The following EPN1 variants were observed in gnomAD, a reference collection of about 807,000 sequenced individuals.
EPN1 encodes the protein epsin 1.
A neutral mutation model predicts 56.9 loss-of-function variants in EPN1; 25 were observed. That is an observed-to-expected ratio of 0.44 (90% CI 0.32 to 0.61). EPN1 has a LOEUF of 0.61. EPN1 is among the 20% of genes least tolerant of loss of function. The probability of loss-of-function intolerance (pLI) is 0.05; values close to 1 mark genes in which losing one functional copy is unlikely to be tolerated. For synonymous variants in EPN1, 411 were observed against 361.8 expected (o/e 1.14, Z -1.54); for missense variants, 785 against 823.7 (o/e 0.95, Z 0.58).
At position 55,704,887 on chromosome 19, in the gene EPN1, G is replaced by C. The variant is rs116379694; in HGVS notation, c.*9531G>C. On this transcript the variant is annotated 3_prime_UTR_variant, in exon 11 of 11. Transcript: ENST00000270460. The stretch of plus-strand genomic sequence containing the variant: ...GTTCCCTGGGAAATAAGCATCGCAA[G>C]TGATCCGTAGAATGGTAGACATCAT... 2 of 152,352 alleles carry C rather than the reference G, an allele frequency of 1.3e-5. No homozygotes were observed. Among genetic ancestry groups the C allele is most frequent in the Non-Finnish European group, 2.9e-5 (2 of 68,132 alleles). The allele number at this position is 152,352 out of a possible 1,614,324, so 9.4% of individuals were successfully genotyped here.
intron 7 of EPN1, 39 bp downstream of exon 7, chr19:55,692,096 G>T: frequency 1.4e-6 from 2 of 1,392,886 alleles, no homozygotes; most frequent in Non-Finnish European, 1.9e-6. Flanking sequence ...CCCTACGCCT[G>T]TGTGCACCTG....
Position 55,695,531 on chromosome 19 carries a change from CTG to C in EPN1, c.*176_*177del, listed in dbSNP as rs1261461001. On this transcript the variant is annotated 3_prime_UTR_variant, in exon 11 of 11. Transcript: ENST00000270460. The surrounding 1 kb of genome is among the most constrained non-coding windows in gnomAD (Gnocchi z 4.4). ...CCCACCCCACCTCCCCGGAGAGAAA[CTG>C]GACATGGGGCCTGGGGAGGGGAGCT... 8 of 590,102 alleles carry C rather than the reference CTG, an allele frequency of 1.4e-5. No homozygotes were observed. Among genetic ancestry groups the C allele is most frequent in the South Asian group, 6.2e-5 (3 of 48,486 alleles). 36.6% of individuals were successfully genotyped at this position (590,102 alleles called of 1,614,324 possible). A position where few individuals can be genotyped will look rare whatever the true frequency, so the allele number is the denominator to read the frequency against.
At position 55,695,330 on chromosome 19, in the gene EPN1, C is replaced by G. The variant is rs1157999658; in HGVS notation, c.1705C>G (p.Pro569Ala). 1 of 1,522,742 alleles carries G rather than the reference C, an allele frequency of 6.6e-7. No homozygotes were observed. The highest frequency in any genetic ancestry group is 1.4e-5 in the African/African-American group (1 of 72,712). 94.3% of individuals were successfully genotyped at this position (1,522,742 alleles called of 1,614,324 possible). The change falls in exon 11 of 11, where the codon CCC becomes GCC. Residue 569 changes from proline (P) to alanine (A), a missense_variant. Pro to Ala is a conservative substitution (Grantham distance 27). Coordinates refer to ENST00000270460, the MANE Select transcript of EPN1 (RefSeq NM_001130072.2). The surrounding 1 kb of genome is among the most constrained non-coding windows in gnomAD (Gnocchi z 4.4). ...CATGATGCCCCCGGGCCCCCCGGCC[C>G]CCAACACTAATCCCTTCCTCCTATA... ...PPMMPPGPPA[P>A]NTNPFLL is the part of the protein sequence containing the mutation.
rs1176539854 is a variant in EPN1 at position 55,676,968 on chromosome 19, C to T, written c.-102+1533C>T. 34 of 623,462 alleles carry T rather than the reference C, an allele frequency of 5.5e-5. No homozygotes were observed. In the Admixed American group the frequency reaches 9.4e-4, roughly 17 times the overall value. 38.6% of individuals were successfully genotyped at this position (623,462 alleles called of 1,614,324 possible). On this transcript the variant is annotated intron_variant, in intron 1 of 10. Transcript: ENST00000270460. ...CTTCTCTGCATTTGTTACATCATCT[C>T]TTCATCTTAATGTATTAGGCTGGGG...
Position 55,706,277 on chromosome 19 carries a change from C to CTTTTTTTTTTTTTTTTTTTTTTTTTTTTT in EPN1, c.*10923_*10924insTTTTTTTTTTTTTTTTTTTTTTTTTTTTT, listed in dbSNP as rs1568587726. The CTTTTTTTTTTTTTTTTTTTTTTTTTTTTT allele has an allele frequency of 8.1e-5, 8 of 98,530 alleles. No homozygotes were observed. The highest frequency in any genetic ancestry group is 1.3e-4 in the Non-Finnish European group (7 of 53,414). 6.1% of individuals were successfully genotyped at this position (98,530 alleles called of 1,614,324 possible). A position where few individuals can be genotyped will look rare whatever the true frequency, so the allele number is the denominator to read the frequency against. On this transcript the variant is annotated 3_prime_UTR_variant, in exon 11 of 11. Coordinates refer to ENST00000270460, the MANE Select transcript of EPN1 (RefSeq NM_001130072.2). ...TCTTTTCTTCCTTTCTTCTCTTTTTCTTCTTCTTTTTTTTTTTTTTTTAAA... is the reference window on the plus strand; with the variant it reads ...TCTTTTCTTCCTTTCTTCTCTTTTTCTTTTTTTTTTTTTTTTTTTTTTTTTTTTTTTCTTCTTTTTTTTTTTTTTTTAAA...
At chr19:55,679,334 T>C (rs1985650172) in intron 2 of EPN1, among the ~76,000 whole-genome samples, 1 of 152,218 alleles carries the variant, frequency 6.6e-6, no homozygotes, top group African/African-American at 2.4e-5. Context: ...ATCCCCACCT[T>C]TGGTCTTTGG....
At chr19:55,677,607 G>A in intron 1 of EPN1, 1 of 1,551,472 alleles carries the variant, frequency 6.4e-7, no homozygotes, top group Non-Finnish European at 8.7e-7. Flanking sequence ...TGCTGAGCGA[G>A]CACCTGGCAC....
In EPN1 at chr19:55,701,959, C is replaced by CTTTTTTTTTTTTTTTTTTT. The variant is rs1160028473; in HGVS notation, c.*6605_*6623dup. On this transcript the variant is annotated 3_prime_UTR_variant, in exon 11 of 11. Transcript: ENST00000270460. Reference sequence around the variant, plus strand: ...AGTCTCTAGCAGCCCCCACCCCATTCTTTTTTTTTTTTTTTTTTTTGAGAT... The same window carrying CTTTTTTTTTTTTTTTTTTT: ...AGTCTCTAGCAGCCCCCACCCCATTCTTTTTTTTTTTTTTTTTTTTTTTTTTTTTTTTTTTTTTTGAGAT... 9.0e-6 allele frequency: 1 copy of CTTTTTTTTTTTTTTTTTTT among 110,848 alleles called. No individual in the cohort carries two copies. The highest frequency in any genetic ancestry group is 4.0e-5 in the African/African-American group (1 of 24,986). 6.9% of individuals were successfully genotyped at this position (110,848 alleles called of 1,614,324 possible).
intron 1 of EPN1, among the ~76,000 whole-genome samples, chr19:55,678,073 C>T (rs529841969): frequency 6.7e-6 from 1 of 149,808 alleles, no homozygotes; most frequent in South Asian, 2.1e-4. Context: ...GGGTGTGCAC[C>T]TGGGAAGTGT....
intron 2 of EPN1, among the ~76,000 whole-genome samples, chr19:55,682,376 C>T (rs1300241714): frequency 6.6e-6 from 1 of 152,134 alleles, no homozygotes; most frequent in Non-Finnish European, 1.5e-5. Context: ...TTCTTTTGCT[C>T]ACCATCACCA....
chr19:55,682,388 C>T (rs1240400815), intron 2 of EPN1, among the ~76,000 whole-genome samples: 1 of 152,140 alleles, frequency 6.6e-6, no homozygotes, highest in African/African-American at 2.4e-5. Flanking sequence ...CCATCACCAT[C>T]AGGTCAGCAA....
chr19:55,683,127 C>T (rs1417234753), intron 2 of EPN1, among the ~76,000 whole-genome samples: 12 of 152,128 alleles, frequency 7.9e-5, no homozygotes, highest in Admixed American at 6.5e-4. Flanking sequence ...GCTATCTTGG[C>T]TCACTGCAAC....
In EPN1 at chr19:55,685,399, A is replaced by G. The variant is rs1986099164; in HGVS notation, c.232A>G (p.Met78Val). The G allele has an allele frequency of 5.6e-6, 9 of 1,610,496 alleles. No homozygotes were observed. Among genetic ancestry groups the G allele is most frequent in the Non-Finnish European group, 7.6e-6 (9 of 1,178,826 alleles). ...GCATCCCCGTGCCCGCTCGCAGGCC[A>G]TGACGCTGATGGAGTACCTCATCAA... ...GKNWRHVYKA[M>V]TLMEYLIKTG... The change falls in exon 3 of 11, where the codon ATG (methionine) becomes GTG (valine). Residue 78 changes from methionine to valine, a missense_variant. Physicochemically the swap from Met to Val is conservative, Grantham distance 21 (BLOSUM62 1). This residue lies in a region of EPN1 where 135 missense variants were observed against 218.7 expected (regional missense o/e 0.62). Coordinates refer to ENST00000270460, the MANE Select transcript of EPN1 (RefSeq NM_001130072.2).
chr19:55,684,146 C>T (rs1046016696), intron 2 of EPN1, among the ~76,000 whole-genome samples: 15 of 152,266 alleles, frequency 9.9e-5, no homozygotes, highest in South Asian at 4.1e-4. Context: ...GTTAACACAC[C>T]TTTGAAAGGC....
chr19:55,692,511 T>C, intron 7 of EPN1, 175 bp from the exon 8 acceptor site: 1 of 459,062 alleles, frequency 2.2e-6, no homozygotes, highest in African/African-American at 2.5e-5. Flanking sequence ...GGGCAGAGCC[T>C]GGCAGAGAAG....
intron 2 of EPN1, among the ~76,000 whole-genome samples, chr19:55,681,940 A>C (rs1394726891): frequency 6.6e-6 from 1 of 152,066 alleles, no homozygotes; most frequent in African/African-American, 2.4e-5. Flanking sequence ...GACCACAGGC[A>C]CACACCACCA....
chr19:55,702,222 A>T lies in EPN1; in HGVS notation c.*6866A>T, dbSNP rs1600115358. ...GTGATCCGCCTGCCTCGGCCTCCCA[A>T]AGTAGTGGGATTGCAGGCGTGAGCC... On this transcript the variant is annotated 3_prime_UTR_variant, in exon 11 of 11. Transcript: ENST00000270460. 1 of 147,956 alleles carries T rather than the reference A, an allele frequency of 6.8e-6. No individual in the cohort carries two copies. The highest frequency in any genetic ancestry group is 1.5e-5 in the Non-Finnish European group (1 of 67,040). The allele number at this position is 147,956 out of a possible 1,614,324, so 9.2% of individuals were successfully genotyped here.
In EPN1 at chr19:55,698,426, T is replaced by C. The variant is rs1017213244; in HGVS notation, c.*3070T>C. 1 of 152,230 alleles carries C rather than the reference T, an allele frequency of 6.6e-6. No individual in the cohort carries two copies. Among genetic ancestry groups the C allele is most frequent in the African/African-American group, 2.4e-5 (1 of 41,418 alleles). The allele number at this position is 152,230 out of a possible 1,614,324, so 9.4% of individuals were successfully genotyped here. A position where few individuals can be genotyped will look rare whatever the true frequency, so the allele number is the denominator to read the frequency against. ...CCTAGGGGTTGGGTGGGGAAGGCAC[T>C]TGAGGGAACCTTCCTGGAGCCCGTA... On this transcript the variant is annotated 3_prime_UTR_variant, in exon 11 of 11. Transcript: ENST00000270460.
rs765938087 is a variant in EPN1, at chr19:55,692,734, C to T, written c.1115C>T (p.Ala372Val). ...GPSASDPWTP[A>V]PAFSDPWGGS... ...TCAGCCTCCGATCCCTGGACACCGGCCCCGGCCTTCTCAGATCCCTGGGGA... is the reference window on the plus strand; with the variant it reads ...TCAGCCTCCGATCCCTGGACACCGGTCCCGGCCTTCTCAGATCCCTGGGGA... Residue 372 changes from alanine to valine, a missense_variant, in exon 8 of 11, where the codon GCC becomes GTC. Around this residue, in one of 2 missense-constraint regions of EPN1, gnomAD observed 650 missense variants for 605.0 expected, o/e 1.07. Coordinates refer to ENST00000270460, the MANE Select transcript of EPN1 (RefSeq NM_001130072.2). 5 of 1,572,840 alleles carry T rather than the reference C, an allele frequency of 3.2e-6. No individual in the cohort carries two copies. The highest frequency in any genetic ancestry group is 2.4e-5 in the East Asian group (1 of 42,468).
Sources: gnomAD v4.1 joint callset for allele counts (sites outside exome capture counted in the v4.1 genomes callset) on GRCh38, gnomAD v4.1.1 for gene constraint, gnomAD v4.1.1 regional missense constraint, Gnocchi (gnomAD v3.1) non-coding constraint, MANE v1.5 for transcripts, NCBI Gene and HGNC (gene_info 2026-07-23, HGNC 2026-07-21) for gene names.